NRG3: variants seen among roughly 807,000 people sequenced by gnomAD.
The protein encoded by NRG3 is neuregulin 3, also known as pro-neuregulin-3, membrane-bound isoform.
Under a neutral mutation model 66.9 loss-of-function variants are expected in NRG3, and 31 were observed. The ratio of observed to expected loss-of-function variants is 0.46; its 90% CI spans 0.35 to 0.63. NRG3 has a LOEUF of 0.63. Ranked by LOEUF, NRG3 falls within the 20% of genes least tolerant of loss-of-function variation. The pLI is 0.00. For synonymous variants in NRG3, 393 were observed against 359.4 expected, an observed-to-expected ratio of 1.09 and a Z score of -1.06; for missense variants, 910 against 878.9, an observed-to-expected ratio of 1.04 and a Z score of -0.45.
intron 1 of NRG3, among the ~76,000 whole-genome samples, chr10:81,975,974 A>G (rs947132559): frequency 2.2e-4 from 33 of 152,296 alleles, no homozygotes; most frequent in African/African-American, 7.0e-4. Flanking sequence ...TAGAGCTGGA[A>G]AGGACAAGGA....
At chr10:82,255,472 G>A (rs556523277) in intron 1 of NRG3, among the ~76,000 whole-genome samples, 8 of 152,230 alleles carry the variant, frequency 5.3e-5, no homozygotes, top group Admixed American at 1.3e-4. Flanking sequence ...CCATATTAAC[G>A]TAGGAGGTAA....
intron 1 of NRG3, among the ~76,000 whole-genome samples, chr10:82,299,535 T>C (rs554492896): frequency 7.1e-6 from 1 of 139,926 alleles, no homozygotes; most frequent in South Asian, 2.2e-4. Context: ...GGACCAGGGC[T>C]CCAATCCAGC....
chr10:82,069,692 C>G (rs2064691532), intron 1 of NRG3, among the ~76,000 whole-genome samples: 2 of 152,096 alleles, frequency 1.3e-5, no homozygotes, highest in South Asian at 4.2e-4. Flanking sequence ...GAAACGGAGT[C>G]TGGATTGTAG....
At chr10:82,982,309 T>A (rs1381216870) in intron 8 of NRG3, among the ~76,000 whole-genome samples, 1 of 152,190 alleles carries the variant, frequency 6.6e-6, no homozygotes, top group Non-Finnish European at 1.5e-5. Context: ...ATAGTTGGAA[T>A]CTTTCTTCTT....
chr10:82,207,067 A>C (rs1176805765), intron 1 of NRG3, among the ~76,000 whole-genome samples: 1 of 152,168 alleles, frequency 6.6e-6, no homozygotes, highest in Admixed American at 6.6e-5. Flanking sequence ...CAAGGAAATG[A>C]GAACATGTTG....
chr10:81,978,401 C>G (rs2060204331), intron 1 of NRG3, among the ~76,000 whole-genome samples: 1 of 152,116 alleles, frequency 6.6e-6, no homozygotes, highest in Non-Finnish European at 1.5e-5. Flanking sequence ...AGAGCCATGC[C>G]AAACCATTCT....
At chr10:82,452,347 C>G (rs2091055703) in intron 2 of NRG3, among the ~76,000 whole-genome samples, 1 of 152,188 alleles carries the variant, frequency 6.6e-6, no homozygotes, top group East Asian at 1.9e-4. Flanking sequence ...ACCACATCCT[C>G]ATTTTCAGAA....
At chr10:82,247,787 A>G (rs1439578380) in intron 1 of NRG3, among the ~76,000 whole-genome samples, 1 of 152,178 alleles carries the variant, frequency 6.6e-6, no homozygotes, top group Admixed American at 6.6e-5. Context: ...GTAATTTATA[A>G]TGAGCATTGA....
intron 3 of NRG3, among the ~76,000 whole-genome samples, chr10:82,860,579 T>A (rs1419322067): frequency 1.3e-5 from 2 of 152,130 alleles, no homozygotes; most frequent in Non-Finnish European, 2.9e-5. Context: ...AACAATCTTA[T>A]AAATTGCTGT....
At chr10:82,305,576 T>C (rs184829262) in intron 1 of NRG3, among the ~76,000 whole-genome samples, 1 of 152,288 alleles carries the variant, frequency 6.6e-6, no homozygotes, top group African/African-American at 2.4e-5. Context: ...TTTCAATTAA[T>C]AGCTTTTTAA....
chr10:82,225,101 A>G (rs2076107619), intron 1 of NRG3, among the ~76,000 whole-genome samples: 1 of 152,022 alleles, frequency 6.6e-6, no homozygotes, highest in Admixed American at 6.6e-5. Flanking sequence ...TACTAGGAAG[A>G]AAAAAATGCA....
chr10:82,230,929 T>C (rs529756015), intron 1 of NRG3, among the ~76,000 whole-genome samples: 233 of 152,196 alleles, frequency 1.5e-3, no homozygotes, highest in African/African-American at 5.2e-3. Flanking sequence ...GTAGTAAAAG[T>C]GTGTAAACAA....
At chr10:82,619,108 A>AT (rs966175837) in intron 2 of NRG3, among the ~76,000 whole-genome samples, 1 of 152,062 alleles carries the variant, frequency 6.6e-6, no homozygotes, top group African/African-American at 2.4e-5. Flanking sequence ...TATTACTGCC[A>AT]TTTTTTTCCA....
At chr10:82,763,666 C>CA (rs11408907) in intron 3 of NRG3, among the ~76,000 whole-genome samples, 14,027 of 146,648 alleles carry the variant, frequency 0.096, 2,064 homozygotes, top group African/African-American at 0.32. Flanking sequence ...TTCCCATGTT[C>CA]AAAAAAAAAA....
At chr10:82,145,301 A>T (rs1047486594) in intron 1 of NRG3, among the ~76,000 whole-genome samples, 4 of 152,206 alleles carry the variant, frequency 2.6e-5, no homozygotes, top group Admixed American at 2.6e-4. Flanking sequence ...GTGAAAATTC[A>T]AATAATTACC....
chr10:81,973,783 G>A lies in NRG3; in HGVS notation c.823+97620G>A, dbSNP rs1270735847. On this transcript the variant is annotated intron_variant, in intron 1 of 8. Coordinates refer to ENST00000372141, the MANE Select transcript of NRG3 (RefSeq NM_001010848.4). ...TTTTTCTTCTTTTAAATATGTTTAA[G>A]TTCCTTACAGATGCTAGATATTAGA... Among the ~76,000 whole-genome samples the A allele has an allele frequency of 3.3e-5, 5 of 152,122 alleles. No homozygotes were observed. In the South Asian group the frequency reaches 8.3e-4, roughly 25 times the overall value.
chr10:82,848,402 G>A (rs749031638), intron 3 of NRG3, among the ~76,000 whole-genome samples: 1 of 151,998 alleles, frequency 6.6e-6, no homozygotes, highest in Non-Finnish European at 1.5e-5. Flanking sequence ...CCTTCATTTT[G>A]GTCAATTTCT....
In NRG3 at chr10:82,359,331, G is replaced by T. The variant is rs111869384; in HGVS notation, c.953+463G>T. On this transcript the variant is annotated intron_variant, in intron 2 of 8. Transcript: ENST00000372141. ...ACTTGAACTGTGTCCAGAGAGAACTGCATTTTATTTTGTTTCTGCCTTCCT... is the reference window on the plus strand; with the variant it reads ...ACTTGAACTGTGTCCAGAGAGAACTTCATTTTATTTTGTTTCTGCCTTCCT... 5.9e-3 allele frequency among the ~76,000 whole-genome samples: 903 copies of T among 152,208 alleles called. 10 individuals carry two copies. Among genetic ancestry groups the T allele is most frequent in the African/African-American group, 0.017 (713 of 41,522 alleles).
chr10:81,912,116 A>AT (rs1028416972), intron 1 of NRG3, among the ~76,000 whole-genome samples: 3 of 151,852 alleles, frequency 2.0e-5, no homozygotes, highest in African/African-American at 7.3e-5. Context: ...TACTTTTCAC[A>AT]TTTTTTTCTT....
Sources: allele counts gnomAD v4.1 joint callset (sites outside exome capture counted in the v4.1 genomes callset), GRCh38; gene constraint gnomAD v4.1.1; transcripts MANE v1.5; gene names NCBI Gene and HGNC (gene_info 2026-07-23, HGNC 2026-07-21).